CRACR2A: variants seen among roughly 807,000 people sequenced by gnomAD.
CRACR2A encodes calcium release activated channel regulator 2A.
In CRACR2A, 79 loss-of-function variants were observed where a neutral mutation model predicts 90.5. The ratio of observed to expected loss-of-function variants is 0.87; its 90% CI spans 0.73 to 1.05. The LOEUF is 1.05. CRACR2A is among the 50% of genes least tolerant of loss of function. The pLI is 0.00. For synonymous variants in CRACR2A, 338 were observed against 356.7 expected, an observed-to-expected ratio of 0.95 and a Z score of 0.59; for missense variants, 823 against 897.2, an observed-to-expected ratio of 0.92 and a Z score of 1.06.
chr12:3,729,774 A>G (rs1946331213), intron 2 of CRACR2A: 1 of 151,926 alleles, frequency 6.6e-6, no homozygotes, highest in Non-Finnish European at 1.5e-5. Flanking sequence ...TGACAGAAAA[A>G]CCTGGGTTCT....
At chr12:3,745,836 A>AGAAC (rs1555123101) in intron 1 of CRACR2A, among the ~76,000 whole-genome samples, 3 of 150,782 alleles carry the variant, frequency 2.0e-5, no homozygotes, top group Non-Finnish European at 4.4e-5. Context: ...AAAGAAAGAA[A>AGAAC]AGAGAAGAGA....
intron 19 of CRACR2A, among the ~76,000 whole-genome samples, chr12:3,615,953 T>C (rs1867672118): frequency 6.6e-6 from 1 of 152,238 alleles, no homozygotes; most frequent in Admixed American, 6.5e-5. Context: ...AGATTAATTG[T>C]AGGAGGTGAG....
At chr12:3,654,471 C>T in intron 9 of CRACR2A, 72 bp from the exon 10 acceptor site, 1 of 1,457,614 alleles carries the variant, frequency 6.9e-7, no homozygotes, top group Non-Finnish European at 9.2e-7. Context: ...CCTGGCCTCA[C>T]CTTGTTTTCT....
chr12:3,639,871 A>G (rs1222689224), intron 13 of CRACR2A, among the ~76,000 whole-genome samples: 7 of 152,192 alleles, frequency 4.6e-5, no homozygotes, highest in Non-Finnish European at 8.8e-5. Flanking sequence ...CAAACTTCCT[A>G]TATATTGCAT....
intron 4 of CRACR2A, among the ~76,000 whole-genome samples, chr12:3,688,838 T>C (rs1340030680): frequency 1.3e-5 from 2 of 152,216 alleles, no homozygotes; most frequent in African/African-American, 4.8e-5. Flanking sequence ...GTTTTTCCCT[T>C]TGTTTGTGTC....
intron 1 of CRACR2A, among the ~76,000 whole-genome samples, chr12:3,745,777 T>C (rs909852468): frequency 8.8e-4 from 11 of 12,444 alleles, no homozygotes; most frequent in African/African-American, 4.4e-3. Context: ...AAACTTCGTC[T>C]CAAAAAATAA....
chr12:3,729,927 T>G (rs1335011172), intron 2 of CRACR2A: 1 of 152,228 alleles, frequency 6.6e-6, no homozygotes, highest in Non-Finnish European at 1.5e-5. Flanking sequence ...GAGCAACACT[T>G]CTGACTGTCT....
In CRACR2A at chr12:3,693,165, C is replaced by T. The variant is rs114510751; in HGVS notation, c.228+3607G>A. ...ACCGGCAAAGCAATGCGGGGGCTGC[C>T]GTGGGCCTGGGGGAAGCTGCAACGT... On this transcript the variant is annotated intron_variant, in intron 4 of 19. Transcript: ENST00000440314. 5.5e-3 allele frequency among the ~76,000 whole-genome samples: 837 copies of T among 152,298 alleles called. 11 individuals carry two copies. Among genetic ancestry groups the T allele is most frequent in the African/African-American group, 0.019 (769 of 41,564 alleles).
chr12:3,736,256 G>C (rs2137878908), intron 1 of CRACR2A, among the ~76,000 whole-genome samples: 1 of 151,844 alleles, frequency 6.6e-6, no homozygotes, highest in South Asian at 2.1e-4. Flanking sequence ...GATAGGGACA[G>C]ATTCAAGAGA....
intron 7 of CRACR2A, among the ~76,000 whole-genome samples, chr12:3,662,741 G>A (rs150657698): frequency 3.2e-4 from 49 of 152,356 alleles, no homozygotes; most frequent in African/African-American, 1.1e-3. Context: ...AGCAGGAGCT[G>A]CAGAGCCAGG....
intron 9 of CRACR2A, among the ~76,000 whole-genome samples, chr12:3,655,979 C>T (rs1251828859): frequency 6.6e-6 from 1 of 152,196 alleles, no homozygotes; most frequent in East Asian, 1.9e-4. Flanking sequence ...TGTACCTCAG[C>T]ATTCCCCTCT....
At chr12:3,686,847 C>T (rs1299304189) in intron 4 of CRACR2A, among the ~76,000 whole-genome samples, 2 of 152,172 alleles carry the variant, frequency 1.3e-5, no homozygotes, top group South Asian at 4.1e-4. Flanking sequence ...TGCAGGTCAA[C>T]GTCCATCATC....
In CRACR2A at chr12:3,656,343, C is replaced by G; in HGVS notation, c.826G>C (p.Glu276Gln). Residue 276 changes from glutamate (E) to glutamine (Q), a missense_variant, in exon 9 of 20, where the codon GAG becomes CAG. Coordinates refer to ENST00000440314, the MANE Select transcript of CRACR2A (RefSeq NM_001144958.2). ...TGCTTCTGGGTGAGCTGCTCCAGCT[C>G]CTGCTCCTTACATAACAGTTTCTGC... Reference protein sequence around the residue: ...LEQKLLCKEQELEQLTQKQKR... With the variant: ...LEQKLLCKEQQLEQLTQKQKR... 1 of 1,614,132 alleles carries G rather than the reference C, an allele frequency of 6.2e-7. No individual in the cohort carries two copies. The highest frequency in any genetic ancestry group is 2.2e-5 in the East Asian group (1 of 44,874).
At chr12:3,659,442 T>A (rs1944982297) in intron 8 of CRACR2A, 122 bp downstream of exon 8, 1 of 729,654 alleles carries the variant, frequency 1.4e-6, no homozygotes, top group African/African-American at 1.9e-5. Context: ...GAAAAAAAAA[T>A]ACAGCAGAGA....
chr12:3,748,659 C>A (rs151104826), intron 1 of CRACR2A, among the ~76,000 whole-genome samples: 89 of 152,302 alleles, frequency 5.8e-4, no homozygotes, highest in African/African-American at 2.1e-3. Context: ...TTCAAGAGGT[C>A]CTTCCTGTAT....
chr12:3,647,932 G>A lies in CRACR2A; in HGVS notation c.1118+610C>T, dbSNP rs915740351. The A allele has an allele frequency of 5.2e-5, 51 of 985,350 alleles. 2 individuals carry two copies. The highest frequency in any genetic ancestry group is 2.1e-4 in the African/African-American group (12 of 57,242). 61.0% of individuals were successfully genotyped at this position (985,350 alleles called of 1,614,324 possible). A position where few individuals can be genotyped will look rare whatever the true frequency, so the allele number is the denominator to read the frequency against. ...GTCTTTCTGAGGAGGGGAGGGTGGT[G>A]CACATTCCAGACCAGTAAACTTTGA... On this transcript the variant is annotated intron_variant, in intron 11 of 19. Coordinates refer to ENST00000440314, the MANE Select transcript of CRACR2A (RefSeq NM_001144958.2).
At chr12:3,697,123 G>A in intron 3 of CRACR2A, 88 bp from the exon 4 acceptor site, 1 of 1,428,828 alleles carries the variant, frequency 7.0e-7, no homozygotes, top group Non-Finnish European at 9.3e-7. Context: ...AGGAAGCACA[G>A]AGCCATACAC....
At position 3,654,218 on chromosome 12, in the gene CRACR2A, T is replaced by C. The variant is rs771537326; in HGVS notation, c.1040A>G (p.Lys347Arg). ...GGACAAAGGCTGGACTCACATCTCC[T>C]TCTCTTGGTGGAGTTTGCAGGCCTC... is the stretch of plus-strand genomic sequence containing the variant. ...QQEACKLHQE[K>R]EMEVYRVTES... Residue 347 changes from lysine to arginine, a missense_variant, in exon 10 of 20, where the codon AAG (lysine) becomes AGG (arginine). By Grantham distance (26) the Lys-to-Arg change is conservative. Transcript: ENST00000440314. 1 of 1,611,746 alleles carries C rather than the reference T, an allele frequency of 6.2e-7. No individual in the cohort carries two copies. The highest frequency in any genetic ancestry group is 1.3e-5 in the African/African-American group (1 of 74,826).
chr12:3,678,819 G>GCAC lies in CRACR2A; in HGVS notation c.524+93_524+95dup, dbSNP rs1945386584. 4.4e-6 allele frequency: 6 copies of GCAC among 1,374,794 alleles called. No individual in the cohort carries two copies. The East Asian group carries it at 1.4e-4, about 33-fold the overall frequency. The allele number at this position is 1,374,794 out of a possible 1,614,324, so 85.2% of individuals were successfully genotyped here. ...GCACTGCATTCCAGTGCAGGGACCA[G>GCAC]CACCACATGGTTAACAAATGTTAAT... On this transcript the variant is annotated intron_variant, in intron 6 of 19. Coordinates refer to ENST00000440314, the MANE Select transcript of CRACR2A (RefSeq NM_001144958.2).
Sources: gnomAD v4.1 joint callset for allele counts (sites outside exome capture counted in the v4.1 genomes callset) on GRCh38, gnomAD v4.1.1 for gene constraint, MANE v1.5 for transcripts, NCBI Gene and HGNC (gene_info 2026-07-23, HGNC 2026-07-21) for gene names.